BEND6: variants seen among roughly 807,000 people sequenced by gnomAD.
BEND6 encodes the protein BEN domain-containing protein 6.
BEND6 carries 24 observed loss-of-function variants against 31.8 expected under a neutral mutation model. The ratio of observed to expected loss-of-function variants is 0.75; its 90% CI spans 0.55 to 1.06. The LOEUF is 1.06. Ranked by LOEUF, BEND6 falls within the 50% of genes least tolerant of loss-of-function variation. The probability of loss-of-function intolerance (pLI) is 0.00; values close to 1 mark genes in which losing one functional copy is unlikely to be tolerated. For missense variants in BEND6, 294 were observed against 327.4 expected, an observed-to-expected ratio of 0.90 and a Z score of 0.79; for synonymous variants, 109 against 114.6, an observed-to-expected ratio of 0.95 and a Z score of 0.31.
chr6:57,025,610 A>C (rs1827876611), intron 6 of BEND6, among the ~76,000 whole-genome samples: 2 of 152,134 alleles, frequency 1.3e-5, no homozygotes, highest in African/African-American at 4.8e-5. Context: ...CTGAACAGGC[A>C]CTCTGATTTG....
rs1825518085 is a variant in BEND6, at chr6:56,967,327, A to C, written c.-101+11867A>C. ...GTACCTCAGGGCTAGTCATAGTGGA[A>C]ATGTTACCAGCCCTGGACCAAAGGG... On this transcript the variant is annotated intron_variant, in intron 1 of 6. Coordinates refer to ENST00000370746, the MANE Select transcript of BEND6 (RefSeq NM_152731.3). Among the ~76,000 whole-genome samples the C allele has an allele frequency of 2.0e-5, 3 of 152,276 alleles. No homozygotes were observed. In the South Asian group the frequency reaches 6.2e-4, roughly 32 times the overall value.
At chr6:57,006,570 A>G (rs1827167684) in intron 3 of BEND6, among the ~76,000 whole-genome samples, 1 of 152,246 alleles carries the variant, frequency 6.6e-6, no homozygotes, top group Non-Finnish European at 1.5e-5. Flanking sequence ...ACATAACTAT[A>G]CAGTCTAAAT....
chr6:56,963,794 T>C (rs1195738012), intron 1 of BEND6, among the ~76,000 whole-genome samples: 1 of 148,058 alleles, frequency 6.8e-6, no homozygotes, highest in South Asian at 2.1e-4. Flanking sequence ...ATATTACTAT[T>C]AATAAATTAA....
rs151189353 is a variant in BEND6 at position 56,988,902 on chromosome 6, G to A, written c.121-3476G>A. ...AAAAATTAGCTGGGCATGCTGGCGCGTGCCTGAAATCCCAGCTACTCAAGA... is the reference window on the plus strand; with the variant it reads ...AAAAATTAGCTGGGCATGCTGGCGCATGCCTGAAATCCCAGCTACTCAAGA... On this transcript the variant is annotated intron_variant, in intron 2 of 6. Coordinates refer to ENST00000370746, the MANE Select transcript of BEND6 (RefSeq NM_152731.3). 2.6e-3 allele frequency among the ~76,000 whole-genome samples: 396 copies of A among 152,126 alleles called. 1 individual carries two copies. The highest frequency in any genetic ancestry group is 4.0e-3 in the Non-Finnish European group (270 of 68,000).
At chr6:57,017,836 TC>T (rs1827616678) in intron 5 of BEND6, among the ~76,000 whole-genome samples, 2 of 152,230 alleles carry the variant, frequency 1.3e-5, no homozygotes, top group African/African-American at 4.8e-5. Context: ...TTTGGCAACA[TC>T]TGACAAATGT....
At position 56,974,932 on chromosome 6, in the gene BEND6, C is replaced by A. The variant is rs542708514; in HGVS notation, c.-100-6779C>A. On this transcript the variant is annotated intron_variant, in intron 1 of 6. Coordinates refer to ENST00000370746, the MANE Select transcript of BEND6 (RefSeq NM_152731.3). ...GGTCAGGAGTTCAAGACCAGCCTGGCCAACCTGGTGAAACCCCATCCCTAC... is the reference window on the plus strand; with the variant it reads ...GGTCAGGAGTTCAAGACCAGCCTGGACAACCTGGTGAAACCCCATCCCTAC... Among the ~76,000 whole-genome samples the A allele has an allele frequency of 9.0e-4, 137 of 152,122 alleles. 1 individual carries two copies. Among genetic ancestry groups the A allele is most frequent in the African/African-American group, 3.3e-3 (135 of 41,500 alleles).
chr6:57,008,565 C>G (rs906680930), intron 3 of BEND6: 1 of 240,810 alleles, frequency 4.2e-6, no homozygotes. Context: ...CAGACACCAT[C>G]TCTTAAAAAA....
chr6:56,958,881 G>A (rs371906862), intron 1 of BEND6, among the ~76,000 whole-genome samples: 6 of 152,134 alleles, frequency 3.9e-5, no homozygotes, highest in African/African-American at 1.4e-4. Context: ...TGGCAGGAGA[G>A]GCTAAAACCA....
At position 56,993,260 on chromosome 6, in the gene BEND6, AT is replaced by A. The variant is rs1191222021; in HGVS notation, c.298+711del. Among the ~76,000 whole-genome samples, 6 of 152,182 alleles carry A rather than the reference AT, an allele frequency of 3.9e-5. No individual in the cohort carries two copies. In the East Asian group the frequency reaches 1.2e-3, roughly 29 times the overall value. The stretch of plus-strand genomic sequence containing the variant: ...TTCCATTTGTAGTTAAGCACTATAT[AT>A]TTTTTATACAGCTGAATATTTTATA... On this transcript the variant is annotated intron_variant, in intron 3 of 6. Coordinates refer to ENST00000370746, the MANE Select transcript of BEND6 (RefSeq NM_152731.3).
chr6:57,001,111 C>T (rs899124310), intron 3 of BEND6, among the ~76,000 whole-genome samples: 1 of 150,664 alleles, frequency 6.6e-6, no homozygotes, highest in East Asian at 1.9e-4. Context: ...ATCACCAAGA[C>T]ATAGAGTCAC....
intron 1 of BEND6, among the ~76,000 whole-genome samples, chr6:56,970,556 G>A (rs1825656746): frequency 6.6e-6 from 1 of 152,134 alleles, no homozygotes; most frequent in Non-Finnish European, 1.5e-5. Context: ...TTAATAAGAT[G>A]CGTTCTTTTA....
intron 6 of BEND6, among the ~76,000 whole-genome samples, chr6:57,023,496 C>T (rs990451360): frequency 1.3e-5 from 2 of 152,156 alleles, no homozygotes; most frequent in Admixed American, 6.5e-5. Context: ...CACTTTCAAT[C>T]GATGTGTGTC....
chr6:57,017,449 C>G (rs764961060), intron 5 of BEND6, 50 bp downstream of exon 5: 31 of 1,246,364 alleles, frequency 2.5e-5, no homozygotes, highest in Non-Finnish European at 9.3e-6. Flanking sequence ...AATCATGTTA[C>G]CACTCAAGGT....
At chr6:57,020,410 T>G (rs1827700971) in intron 6 of BEND6, among the ~76,000 whole-genome samples, 1 of 152,038 alleles carries the variant, frequency 6.6e-6, no homozygotes, top group Non-Finnish European at 1.5e-5. Context: ...ACTAAGTTCC[T>G]TGTCTTTTCT....
At chr6:57,020,279 T>A (rs1464605620) in intron 6 of BEND6, among the ~76,000 whole-genome samples, 2 of 138,056 alleles carry the variant, frequency 1.4e-5, no homozygotes, top group African/African-American at 3.0e-5. Flanking sequence ...AGTTCTCTAT[T>A]TTTTTTTTTT....
intron 3 of BEND6, among the ~76,000 whole-genome samples, chr6:57,007,459 G>A: frequency 6.6e-6 from 1 of 152,058 alleles, no homozygotes; most frequent in East Asian, 1.9e-4. Flanking sequence ...AAACACTCCA[G>A]GACATTGGTC....
chr6:56,984,063 A>G (rs890654390), intron 2 of BEND6, among the ~76,000 whole-genome samples: 2 of 152,072 alleles, frequency 1.3e-5, no homozygotes, highest in South Asian at 4.1e-4. Context: ...TACCAAAAAA[A>G]ATTTAAAATT....
intron 4 of BEND6, among the ~76,000 whole-genome samples, chr6:57,016,912 A>C (rs1827583834): frequency 6.6e-6 from 1 of 152,204 alleles, no homozygotes; most frequent in Non-Finnish European, 1.5e-5. Flanking sequence ...AGCACTGAGT[A>C]TGGGACTAAG....
intron 3 of BEND6, among the ~76,000 whole-genome samples, chr6:57,013,050 G>A (rs1827399434): frequency 6.6e-6 from 1 of 152,130 alleles, no homozygotes; most frequent in Non-Finnish European, 1.5e-5. Context: ...CCCATCCTGG[G>A]TCAAGCACCT....
Sources: allele counts gnomAD v4.1 joint callset (sites outside exome capture counted in the v4.1 genomes callset), GRCh38; gene constraint gnomAD v4.1.1; transcripts MANE v1.5; gene names NCBI Gene and HGNC (gene_info 2026-07-23, HGNC 2026-07-21).